The following TRPC7 variants were observed in gnomAD, a reference collection of about 807,000 sequenced individuals.
TRPC7 encodes the protein short transient receptor potential channel 7.
Under a neutral mutation model 90.1 loss-of-function variants are expected in TRPC7, and 42 were observed. The observed-to-expected ratio is 0.47, with a 90% CI of 0.36 to 0.60. TRPC7 has a LOEUF of 0.60. TRPC7 is among the 20% of genes least tolerant of loss of function. The pLI, the probability that TRPC7 is intolerant of heterozygous loss-of-function variation, is 0.00. For synonymous variants in TRPC7, 451 were observed against 436.3 expected (o/e 1.03, Z -0.42); for missense variants, 955 against 1,112.3 (o/e 0.86, Z 2.01).
chr5:136,324,937 C>T (rs1462159529), intron 2 of TRPC7, among the ~76,000 whole-genome samples: 1 of 152,156 alleles, frequency 6.6e-6, no homozygotes, highest in Non-Finnish European at 1.5e-5. Context: ...CCCTCCCTCC[C>T]TTTAGGGCTG....
intron 10 of TRPC7, among the ~76,000 whole-genome samples, chr5:136,221,318 A>T (rs1006040999): frequency 3.3e-5 from 5 of 152,234 alleles, no homozygotes; most frequent in African/African-American, 1.2e-4. Context: ...CAGGCAAAGC[A>T]TACTCAAGAG....
chr5:136,218,903 C>T (rs1755362036), intron 10 of TRPC7, among the ~76,000 whole-genome samples: 1 of 152,170 alleles, frequency 6.6e-6, no homozygotes, highest in Non-Finnish European at 1.5e-5. Flanking sequence ...CAAATGAGGA[C>T]ACTGAGGCTC....
In TRPC7 at chr5:136,357,252, GCTC is replaced by G. The variant is rs1760419664; in HGVS notation, c.133_135del (p.Glu45del). On this transcript the variant is annotated inframe_deletion, in exon 2 of 12. Coordinates refer to ENST00000513104, the MANE Select transcript of TRPC7 (RefSeq NM_020389.3). ...CCATACTCAGCCGAGTCCAGGAAGC[GCTC>G]CTCCTCGGGCGTCAGACTGGTGCCC... 2.5e-6 allele frequency: 4 copies of G among 1,613,646 alleles called. No homozygotes were observed. In the East Asian group the frequency reaches 8.9e-5, roughly 36 times the overall value.
chr5:136,266,797 C>T (rs139941687), intron 4 of TRPC7, among the ~76,000 whole-genome samples: 100 of 152,168 alleles, frequency 6.6e-4, no homozygotes, highest in African/African-American at 2.0e-3. Flanking sequence ...TTTGAGTGCT[C>T]GGTTTTTGTT....
At chr5:136,287,959 G>A (rs1007461973) in intron 3 of TRPC7, among the ~76,000 whole-genome samples, 1 of 152,108 alleles carries the variant, frequency 6.6e-6, no homozygotes, top group South Asian at 2.1e-4. Flanking sequence ...AGGAGACACT[G>A]AGCCAGACTT....
chr5:136,287,920 C>A (rs1017463511), intron 3 of TRPC7, among the ~76,000 whole-genome samples: 8 of 152,068 alleles, frequency 5.3e-5, no homozygotes, highest in Non-Finnish European at 4.4e-5. Context: ...CCCAGAATAA[C>A]TGAGACCAAA....
intron 2 of TRPC7, among the ~76,000 whole-genome samples, chr5:136,320,155 A>G (rs1045940495): frequency 7.2e-6 from 1 of 139,782 alleles, no homozygotes; most frequent in African/African-American, 3.1e-5. Context: ...CAGTTGTCCT[A>G]GACAAAAAAA....
chr5:136,235,453 T>C (rs1321957677), intron 7 of TRPC7, among the ~76,000 whole-genome samples: 1 of 152,168 alleles, frequency 6.6e-6, no homozygotes, highest in Non-Finnish European at 1.5e-5. Flanking sequence ...TAGTAATATA[T>C]TCTCAGAGAG....
intron 2 of TRPC7, among the ~76,000 whole-genome samples, chr5:136,321,188 C>A (rs902145866): frequency 6.6e-6 from 1 of 152,158 alleles, no homozygotes; most frequent in East Asian, 1.9e-4. Flanking sequence ...CCCTCTCATC[C>A]TGTTGCCTCT....
chr5:136,354,090 G>C (rs1760283953), intron 2 of TRPC7, among the ~76,000 whole-genome samples: 1 of 152,098 alleles, frequency 6.6e-6, no homozygotes, highest in African/African-American at 2.4e-5. Flanking sequence ...TTTTTTGCTT[G>C]AATTTTTAAA....
chr5:136,363,182 G>T (rs1760621009), intron 1 of TRPC7, among the ~76,000 whole-genome samples: 1 of 152,122 alleles, frequency 6.6e-6, no homozygotes, highest in South Asian at 2.1e-4. Flanking sequence ...ATGTCCCTTG[G>T]TGACTGAGCA....
intron 2 of TRPC7, among the ~76,000 whole-genome samples, chr5:136,332,345 G>C (rs1759528595): frequency 6.6e-6 from 1 of 152,152 alleles, no homozygotes; most frequent in Admixed American, 6.5e-5. Context: ...GCCCCGACAG[G>C]CACCTGCACG....
At chr5:136,316,641 A>G (rs1759035550) in intron 2 of TRPC7, among the ~76,000 whole-genome samples, 1 of 152,108 alleles carries the variant, frequency 6.6e-6, no homozygotes, top group Non-Finnish European at 1.5e-5. Context: ...TTCCTTTCCT[A>G]GTGACATGTC....
At chr5:136,322,765 G>T (rs1050945128) in intron 2 of TRPC7, among the ~76,000 whole-genome samples, 1 of 152,076 alleles carries the variant, frequency 6.6e-6, no homozygotes, top group Admixed American at 6.5e-5. Flanking sequence ...GTGCTTATTT[G>T]CCATCTTTGT....
intron 4 of TRPC7, among the ~76,000 whole-genome samples, chr5:136,267,720 C>T (rs1426091590): frequency 6.6e-6 from 1 of 152,032 alleles, no homozygotes; most frequent in Admixed American, 6.6e-5. Context: ...GCTATAGAAC[C>T]CATTTATTAA....
intron 8 of TRPC7, among the ~76,000 whole-genome samples, chr5:136,227,644 G>A (rs976766260): frequency 6.6e-6 from 1 of 152,144 alleles, no homozygotes; most frequent in South Asian, 2.1e-4. Flanking sequence ...TCCTGGTCTC[G>A]CTGTACAAGA....
intron 6 of TRPC7, among the ~76,000 whole-genome samples, chr5:136,249,330 T>C (rs1756447502): frequency 6.6e-6 from 1 of 152,220 alleles, no homozygotes; most frequent in Non-Finnish European, 1.5e-5. Context: ...CAAAGTTTCA[T>C]GGAGTGATTC....
chr5:136,352,300 G>A (rs1760218326), intron 2 of TRPC7, among the ~76,000 whole-genome samples: 1 of 152,124 alleles, frequency 6.6e-6, no homozygotes, highest in African/African-American at 2.4e-5. Flanking sequence ...TGCCCCACCA[G>A]GCATTGCTGT....
chr5:136,327,260 T>A (rs1306087014), intron 2 of TRPC7, among the ~76,000 whole-genome samples: 3 of 152,178 alleles, frequency 2.0e-5, no homozygotes, highest in Non-Finnish European at 4.4e-5. Flanking sequence ...TGATATAATA[T>A]GTTGAAATAT....
Sources: allele counts gnomAD v4.1 joint callset (sites outside exome capture counted in the v4.1 genomes callset), GRCh38; gene constraint gnomAD v4.1.1; transcripts MANE v1.5; gene names NCBI Gene and HGNC (gene_info 2026-07-23, HGNC 2026-07-21).